CELSR1: variants seen among roughly 807,000 people sequenced by gnomAD.
CELSR1 encodes cadherin EGF LAG seven-pass G-type receptor 1.
CELSR1 carries 110 observed loss-of-function variants against 249.1 expected under a neutral mutation model. The ratio of observed to expected loss-of-function variants is 0.44; its 90% CI spans 0.38 to 0.52. The LOEUF (loss-of-function observed/expected upper bound fraction) is 0.52. Ranked by LOEUF, CELSR1 falls within the 20% of genes least tolerant of loss-of-function variation. CELSR1 has a pLI of 0.00. For missense variants in CELSR1, 4,109 were observed against 4,296.4 expected, an observed-to-expected ratio of 0.96 and a Z score of 1.22; for synonymous variants, 2,113 against 1,900.0, an observed-to-expected ratio of 1.11 and a Z score of -2.92.
chr22:46,438,787 C>T (rs748245334), intron 3 of CELSR1, among the ~76,000 whole-genome samples: 1 of 152,134 alleles, frequency 6.6e-6, no homozygotes, highest in Non-Finnish European at 1.5e-5. Flanking sequence ...GAGATGGAGT[C>T]TCGCTCTGTT....
intron 1 of CELSR1, among the ~76,000 whole-genome samples, chr22:46,470,283 C>G (rs1048776308): frequency 5.3e-5 from 8 of 151,918 alleles, no homozygotes; most frequent in East Asian, 3.9e-4. Flanking sequence ...TAAGCAGGTA[C>G]TTGAAAAATT....
intron 1 of CELSR1, among the ~76,000 whole-genome samples, chr22:46,480,781 T>C (rs1216569459): frequency 2.0e-5 from 3 of 152,178 alleles, no homozygotes; most frequent in Non-Finnish European, 2.9e-5. Flanking sequence ...AAATATAAGC[T>C]CTAAAACTCT....
In CELSR1 at chr22:46,454,536, C is replaced by T. The variant is rs957191366; in HGVS notation, c.4183+9171G>A. The stretch of plus-strand genomic sequence containing the variant: ...GAACGGCGTGTGCTTTAAACCACAG[C>T]GAGGTTTCTATTGCATGCGGCTCGT... On this transcript the variant is annotated intron_variant, in intron 2 of 34. Transcript: ENST00000674500. This position sits in a 1 kb window ranked among gnomAD's most constrained non-coding sequence, Gnocchi z 5.1. 5.3e-5 allele frequency among the ~76,000 whole-genome samples: 8 copies of T among 152,216 alleles called. No individual in the cohort carries two copies. The highest frequency in any genetic ancestry group is 1.9e-4 in the East Asian group (1 of 5,194).
chr22:46,364,867 G>C, intron 32 of CELSR1, 131 bp from the exon 33 acceptor site: 1 of 963,208 alleles, frequency 1.0e-6, no homozygotes. Flanking sequence ...AACCCTAAAG[G>C]TGGGGAAACT....
intron 1 of CELSR1, among the ~76,000 whole-genome samples, chr22:46,505,904 C>T (rs911487290): frequency 2.0e-5 from 3 of 152,058 alleles, no homozygotes; most frequent in African/African-American, 7.2e-5. Context: ...ACTGGCTGGG[C>T]GTGGTGGCTC....
In CELSR1 at chr22:46,417,358, G is replaced by A. The variant is rs1233816358; in HGVS notation, c.4612-5599C>T. Among the ~76,000 whole-genome samples, 1 of 152,194 alleles carries A rather than the reference G, an allele frequency of 6.6e-6. No individual in the cohort carries two copies. The highest frequency in any genetic ancestry group is 2.4e-5 in the African/African-American group (1 of 41,450). On this transcript the variant is annotated intron_variant, in intron 5 of 34. Transcript: ENST00000674500. This position sits in a 1 kb window ranked among gnomAD's most constrained non-coding sequence, Gnocchi z 4.1. The stretch of plus-strand genomic sequence containing the variant: ...TCAAACTGGCCTCCCAGGAGCCTCG[G>A]ACAGGACTTTGCCAGAATGCAAACC...
chr22:46,491,938 C>T (rs1363311706), intron 1 of CELSR1, among the ~76,000 whole-genome samples: 1 of 152,176 alleles, frequency 6.6e-6, no homozygotes, highest in African/African-American at 2.4e-5. Context: ...TGTCGCGCCT[C>T]TCTATTCTTT....
rs1205633900 is a variant in CELSR1, at chr22:46,430,416, C to T, written c.4611+2977G>A. On this transcript the variant is annotated intron_variant, in intron 5 of 34. Transcript: ENST00000674500. This position sits in a 1 kb window ranked among gnomAD's most constrained non-coding sequence, Gnocchi z 4.6. ...GGATGACCGTCTGCATCAGCCAAGGCAGGCAGGGACGCGTGTGCAGGGGGG... is the reference window on the plus strand; with the variant it reads ...GGATGACCGTCTGCATCAGCCAAGGTAGGCAGGGACGCGTGTGCAGGGGGG... 6.6e-6 allele frequency among the ~76,000 whole-genome samples: 1 copy of T among 152,110 alleles called. No homozygotes were observed. Among genetic ancestry groups the T allele is most frequent in the Admixed American group, 6.5e-5 (1 of 15,274 alleles).
intron 1 of CELSR1, among the ~76,000 whole-genome samples, chr22:46,491,982 C>T (rs1484408101): frequency 1.3e-5 from 2 of 152,196 alleles, no homozygotes; most frequent in African/African-American, 4.8e-5. Flanking sequence ...TCTTTCCAGG[C>T]TTCACCCCAC....
intron 13 of CELSR1, among the ~76,000 whole-genome samples, chr22:46,394,919 G>C (rs2079131693): frequency 6.6e-6 from 1 of 152,198 alleles, no homozygotes; most frequent in Admixed American, 6.5e-5. Context: ...CCGCTGCTGT[G>C]CATGAGTCTC....
chr22:46,366,412 G>A lies in CELSR1; in HGVS notation c.8274C>T (p.Ser2758=), dbSNP rs932953352. 3 of 1,549,922 alleles carry A rather than the reference G, an allele frequency of 1.9e-6. No homozygotes were observed. The highest frequency in any genetic ancestry group is 1.7e-6 in the Non-Finnish European group (2 of 1,146,558). Residue 2758 remains serine, a synonymous_variant, in exon 30 of 35, where the codon TCC becomes TCT. Transcript: ENST00000674500. ...TGACGATGCTGTCCAGCGAGGCGGT[G>A]GACTCGCCCAAGTCTGTGCGCAGCA... The part of the protein sequence containing the change: ...PDMLRTDLGE[S]TASLDSIVRD...
Position 46,445,680 on chromosome 22 carries a change from G to A in CELSR1, c.4184-6269C>T, listed in dbSNP as rs1189112699. Among the ~76,000 whole-genome samples the A allele has an allele frequency of 2.6e-5, 4 of 152,184 alleles. No homozygotes were observed. The highest frequency in any genetic ancestry group is 9.7e-5 in the African/African-American group (4 of 41,448). On this transcript the variant is annotated intron_variant, in intron 2 of 34. Transcript: ENST00000674500. This position sits in a 1 kb window ranked among gnomAD's most constrained non-coding sequence, Gnocchi z 4.4. The stretch of plus-strand genomic sequence containing the variant: ...GCTGAATTCACTACAGTGGCCCTCC[G>A]TGTTTGTCCTGGAATTGCAATCGCG...
Position 46,409,105 on chromosome 22 carries a change from T to G in CELSR1, c.5117A>C (p.Asn1706Thr). ...GESVVSWSDL[N>T]IIISVPWYLG... is the part of the protein sequence containing the mutation. ...GTACCAGGGCACAGAGATGATGATG[T>G]TCAGGTCACTCCAGGACACGACGCT... is the stretch of plus-strand genomic sequence containing the variant. The change falls in exon 9 of 35, where the codon AAC becomes ACC. Residue 1706 changes from asparagine (N) to threonine (T), a missense_variant. By Grantham distance (65) the Asn-to-Thr change is moderately conservative. Transcript: ENST00000674500. The surrounding 1 kb of genome is among the most constrained non-coding windows in gnomAD (Gnocchi z 9.8). 6.2e-7 allele frequency: 1 copy of G among 1,611,994 alleles called. No homozygotes were observed. The highest frequency in any genetic ancestry group is 2.2e-5 in the East Asian group (1 of 44,758).
At chr22:46,514,020 C>G (rs1602230246) in intron 1 of CELSR1, among the ~76,000 whole-genome samples, 1 of 152,076 alleles carries the variant, frequency 6.6e-6, no homozygotes, top group Admixed American at 6.6e-5. Flanking sequence ...GTCTCGATCT[C>G]CTGACCTCAT....
chr22:46,449,028 A>C (rs1422874080), intron 2 of CELSR1, among the ~76,000 whole-genome samples: 1 of 151,938 alleles, frequency 6.6e-6, no homozygotes, highest in Non-Finnish European at 1.5e-5. Context: ...CCATCCTTCC[A>C]TATACCCACC....
Position 46,518,780 on chromosome 22 carries a change from T to C in CELSR1, c.3544+14847A>G, listed in dbSNP as rs2080655094. Among the ~76,000 whole-genome samples, 1 of 152,116 alleles carries C rather than the reference T, an allele frequency of 6.6e-6. No individual in the cohort carries two copies. On this transcript the variant is annotated intron_variant, in intron 1 of 34. Coordinates refer to ENST00000674500, the MANE Select transcript of CELSR1 (RefSeq NM_001378328.1). This position sits in a 1 kb window ranked among gnomAD's most constrained non-coding sequence, Gnocchi z 5.2. ...GCTGGGCGCGGTGGCTCGCCTGTAA[T>C]CCAGCACTTTGGGAGGCCAAGGCGG...
At chr22:46,442,984 G>A (rs561648340) in intron 2 of CELSR1, among the ~76,000 whole-genome samples, 3 of 152,054 alleles carry the variant, frequency 2.0e-5, no homozygotes, top group African/African-American at 7.3e-5. Context: ...TGTAGTCCCA[G>A]CTACTCAGGA....
At position 46,411,503 on chromosome 22, in the gene CELSR1, C is replaced by T. The variant is rs1445494294; in HGVS notation, c.4769+99G>A. On this transcript the variant is annotated intron_variant, in intron 6 of 34. Transcript: ENST00000674500. The surrounding 1 kb of genome is among the most constrained non-coding windows in gnomAD (Gnocchi z 4.2). ...CTGGAATGAGGTCGCCAGGGCACTG[C>T]ACCCAGAGTGCCTACGTGGGGCCCT... The T allele has an allele frequency of 3.5e-6, 5 of 1,409,990 alleles. No homozygotes were observed. The highest frequency in any genetic ancestry group is 4.8e-6 in the Non-Finnish European group (5 of 1,036,268). The allele number at this position is 1,409,990 out of a possible 1,614,324, so 87.3% of individuals were successfully genotyped here.
chr22:46,390,365 G>C lies in CELSR1; in HGVS notation c.6345+27C>G. 1 of 1,572,464 alleles carries C rather than the reference G, an allele frequency of 6.4e-7. No individual in the cohort carries two copies. Among genetic ancestry groups the C allele is most frequent in the Non-Finnish European group, 8.7e-7 (1 of 1,147,352 alleles). ...ACACGAACACACACGTGCCCCTGCT[G>C]AACACACATCCCCGAGGCGCCCCTA... On this transcript the variant is annotated intron_variant, in intron 17 of 34. Transcript: ENST00000674500. This position sits in a 1 kb window ranked among gnomAD's most constrained non-coding sequence, Gnocchi z 6.3.
Sources: allele counts gnomAD v4.1 joint callset (sites outside exome capture counted in the v4.1 genomes callset), GRCh38; gene constraint gnomAD v4.1.1; non-coding constraint Gnocchi (gnomAD v3.1); transcripts MANE v1.5; gene names NCBI Gene and HGNC (gene_info 2026-07-23, HGNC 2026-07-21).